Variants in VWA8 observed in about 807,000 individuals in gnomAD.
VWA8 encodes von Willebrand factor A domain containing 8.
VWA8 carries 221 observed loss-of-function variants against 241.5 expected under a neutral mutation model. That is an observed-to-expected ratio of 0.91 (90% CI 0.82 to 1.02). The LOEUF is 1.02. Among genes scored for constraint, VWA8 ranks in the 50% least tolerant of loss-of-function variants. VWA8 has a pLI of 0.00. For missense variants in VWA8, 2,322 were observed against 2,328.7 expected (o/e 1.00, Z 0.06); for synonymous variants, 852 against 827.1 (o/e 1.03, Z -0.52).
intron 40 of VWA8, among the ~76,000 whole-genome samples, chr13:41,592,570 GAAA>G (rs58447140): frequency 1.5e-5 from 2 of 133,574 alleles, no homozygotes; most frequent in East Asian, 2.1e-4. Context: ...TATTTGTTTT[GAAA>G]AAAAAAAAAA....
intron 12 of VWA8, among the ~76,000 whole-genome samples, chr13:41,846,048 C>A (rs1200795816): frequency 1.4e-5 from 2 of 142,446 alleles, no homozygotes; most frequent in African/African-American, 5.1e-5. Flanking sequence ...CTTTTTAGTT[C>A]TTTTTTTTTT....
intron 12 of VWA8, among the ~76,000 whole-genome samples, chr13:41,863,322 C>A (rs142354418): frequency 0.018 from 2,755 of 148,930 alleles, 144 homozygotes; most frequent in African/African-American, 0.063. Flanking sequence ...ATTGTGGGAC[C>A]TTGTGATGGT....
At chr13:41,932,051 A>G (rs1877149036) in intron 2 of VWA8, among the ~76,000 whole-genome samples, 2 of 152,174 alleles carry the variant, frequency 1.3e-5, no homozygotes, top group South Asian at 4.1e-4. Context: ...TAAAATTGAC[A>G]AACCTCTGGT....
intron 3 of VWA8, among the ~76,000 whole-genome samples, chr13:41,908,105 T>C (rs1875810166): frequency 6.6e-6 from 1 of 152,232 alleles, no homozygotes; most frequent in Non-Finnish European, 1.5e-5. Flanking sequence ...ATTTATTCCA[T>C]GGATCAATGT....
chr13:41,865,760 G>A lies in VWA8; in HGVS notation c.1401C>T (p.Asn467=), dbSNP rs1593827902. The change falls in exon 12 of 45, where the codon AAC becomes AAT. Residue 467 remains asparagine (N), a synonymous_variant. Transcript: ENST00000379310. ...AKNFADTLGY[N]IEPIMLYQDM... is the part of the protein sequence containing the mutation. Reference sequence around the variant, plus strand: ...CCTGATAGAGCATAATAGGTTCTATGTTGTATCCTAAGGTATCGGCAAAGT... The same window carrying A: ...CCTGATAGAGCATAATAGGTTCTATATTGTATCCTAAGGTATCGGCAAAGT... 6.2e-7 allele frequency: 1 copy of A among 1,614,074 alleles called. No individual in the cohort carries two copies. The highest frequency in any genetic ancestry group is 2.2e-5 in the East Asian group (1 of 44,876).
At chr13:41,690,374 T>A in intron 32 of VWA8, 99 bp from the exon 33 acceptor site, 1 of 969,512 alleles carries the variant, frequency 1.0e-6, no homozygotes, top group Non-Finnish European at 1.5e-6. Context: ...AGTCTCTTTT[T>A]TATAGTTCCA....
At chr13:41,584,483 A>G (rs901717411) in intron 42 of VWA8, among the ~76,000 whole-genome samples, 3 of 152,070 alleles carry the variant, frequency 2.0e-5, no homozygotes, top group African/African-American at 7.2e-5. Flanking sequence ...CCAGGTATCA[A>G]TTTTTCTGAA....
intron 21 of VWA8, among the ~76,000 whole-genome samples, chr13:41,737,596 AG>A (rs1333076521): frequency 3.3e-5 from 5 of 152,336 alleles, no homozygotes; most frequent in South Asian, 2.1e-4. Context: ...TTGAACAGGA[AG>A]AACATGTTTT....
chr13:41,880,291 T>A (rs1240792072), intron 9 of VWA8, among the ~76,000 whole-genome samples: 2 of 152,162 alleles, frequency 1.3e-5, no homozygotes, highest in African/African-American at 4.8e-5. Flanking sequence ...CCCTCCCTCC[T>A]ACTCCCCCTG....
In VWA8 at chr13:41,694,688, G is replaced by C. The variant is rs539269280; in HGVS notation, c.3565-1716C>G. Among the ~76,000 whole-genome samples, 3 of 152,102 alleles carry C rather than the reference G, an allele frequency of 2.0e-5. No individual in the cohort carries two copies. In the East Asian group the frequency reaches 5.8e-4, roughly 29 times the overall value. ...GTTAAAATGAATTCTTAGCACTTAAGCAATTTGGGATAATATTAGCCTTTG... is the reference window on the plus strand; with the variant it reads ...GTTAAAATGAATTCTTAGCACTTAACCAATTTGGGATAATATTAGCCTTTG... On this transcript the variant is annotated intron_variant, in intron 29 of 44. Transcript: ENST00000379310.
intron 37 of VWA8, among the ~76,000 whole-genome samples, chr13:41,662,118 T>G (rs2044953992): frequency 6.6e-6 from 1 of 152,206 alleles, no homozygotes; most frequent in African/African-American, 2.4e-5. Context: ...TTGGTTCATT[T>G]AGTTCATTTA....
intron 2 of VWA8, among the ~76,000 whole-genome samples, chr13:41,949,716 G>GA (rs1293482878): frequency 1.4e-4 from 22 of 152,168 alleles, no homozygotes; most frequent in Admixed American, 1.4e-3. Flanking sequence ...TGTTTCTACT[G>GA]AAATATTGAT....
chr13:41,783,197 G>GTACTTATATATATACTTAATATA (rs1868969897), intron 19 of VWA8, among the ~76,000 whole-genome samples: 1 of 147,856 alleles, frequency 6.8e-6, no homozygotes, highest in African/African-American at 2.5e-5. Context: ...TTATATATAT[G>GTACTTATATATATACTTAATATA]TACTTATATA....
At chr13:41,896,356 T>C (rs1430586024) in intron 4 of VWA8, among the ~76,000 whole-genome samples, 2 of 152,038 alleles carry the variant, frequency 1.3e-5, no homozygotes, top group Non-Finnish European at 2.9e-5. Flanking sequence ...AAAAATTTAA[T>C]GATACAAGTA....
At chr13:41,941,054 T>C (rs1176667433) in intron 2 of VWA8, among the ~76,000 whole-genome samples, 1 of 152,148 alleles carries the variant, frequency 6.6e-6, no homozygotes, top group African/African-American at 2.4e-5. Context: ...ATGAAAACTA[T>C]AATAAAAGTA....
intron 37 of VWA8, among the ~76,000 whole-genome samples, chr13:41,663,548 A>G (rs2044966432): frequency 6.6e-6 from 1 of 152,068 alleles, no homozygotes; most frequent in Admixed American, 6.5e-5. Context: ...TTTACTATTT[A>G]CCTCCATATT....
intron 9 of VWA8, among the ~76,000 whole-genome samples, chr13:41,870,421 T>C (rs1325247056): frequency 6.6e-6 from 1 of 152,022 alleles, no homozygotes; most frequent in Admixed American, 6.6e-5. Flanking sequence ...GGTGGATCAC[T>C]TGAGGTCAGG....
At chr13:41,715,437 G>C (rs1566425879) in intron 26 of VWA8, among the ~76,000 whole-genome samples, 1 of 151,898 alleles carries the variant, frequency 6.6e-6, no homozygotes, top group African/African-American at 2.4e-5. Context: ...TCATGAAAAA[G>C]ATAGCATTTT....
intron 42 of VWA8, 39 bp from the exon 43 acceptor site, chr13:41,575,877 C>T (rs1279463481): frequency 5.5e-6 from 8 of 1,455,662 alleles, no homozygotes; most frequent in Middle Eastern, 1.7e-4. Context: ...AACTTTTCTC[C>T]ACAAAAGAAC....
Sources: gnomAD v4.1 joint callset for allele counts (sites outside exome capture counted in the v4.1 genomes callset) on GRCh38, gnomAD v4.1.1 for gene constraint, MANE v1.5 for transcripts, NCBI Gene and HGNC (gene_info 2026-07-23, HGNC 2026-07-21) for gene names.